The following ZNF804B variants were observed in gnomAD, a reference collection of about 807,000 sequenced individuals.
The protein encoded by ZNF804B is zinc finger 804B.
A neutral mutation model predicts 101.4 loss-of-function variants in ZNF804B; 80 were observed. That is an observed-to-expected ratio of 0.79 (90% CI 0.66 to 0.95). ZNF804B has a LOEUF of 0.95. ZNF804B is among the 40% of genes least tolerant of loss of function. The pLI, the probability that ZNF804B is intolerant of heterozygous loss-of-function variation, is 0.00. For missense variants in ZNF804B, 1,673 were observed against 1,561.9 expected, an observed-to-expected ratio of 1.07 and a Z score of -1.20; for synonymous variants, 622 against 558.8, an observed-to-expected ratio of 1.11 and a Z score of -1.59.
rs192905676 is a variant in ZNF804B at position 89,130,840 on chromosome 7, A to G, written c.109-87315A>G. Reference sequence around the variant, plus strand: ...CCAAGGTAGAGAAGATCATCCCTACAAAGCGTCTAGGGGGTGTCTTATTAC... The same window carrying G: ...CCAAGGTAGAGAAGATCATCCCTACGAAGCGTCTAGGGGGTGTCTTATTAC... On this transcript the variant is annotated intron_variant, in intron 1 of 3. Transcript: ENST00000333190. Among the ~76,000 whole-genome samples the G allele has an allele frequency of 2.6e-5, 4 of 152,150 alleles. No homozygotes were observed. In the East Asian group the frequency reaches 7.7e-4, roughly 29 times the overall value.
intron 1 of ZNF804B, among the ~76,000 whole-genome samples, chr7:88,970,806 C>T (rs1350579879): frequency 2.0e-5 from 2 of 100,544 alleles, no homozygotes; most frequent in Non-Finnish European, 3.7e-5. Flanking sequence ...CATCATACAC[C>T]GGGGACTGTT....
chr7:88,982,699 T>C (rs1793709094), intron 1 of ZNF804B, among the ~76,000 whole-genome samples: 1 of 152,104 alleles, frequency 6.6e-6, no homozygotes, highest in Non-Finnish European at 1.5e-5. Flanking sequence ...CAATTCTTAT[T>C]CTGAGGTACT....
At chr7:89,287,149 C>A (rs1790212415) in intron 2 of ZNF804B, among the ~76,000 whole-genome samples, 1 of 152,046 alleles carries the variant, frequency 6.6e-6, no homozygotes, top group Admixed American at 6.6e-5. Context: ...CTATATATGA[C>A]ATACAAAATA....
chr7:88,831,053 G>T (rs980242906), intron 1 of ZNF804B, among the ~76,000 whole-genome samples: 1 of 151,834 alleles, frequency 6.6e-6, no homozygotes, highest in African/African-American at 2.4e-5. Flanking sequence ...TAACAGTTGT[G>T]TTAAAATATA....
At chr7:89,075,086 A>G (rs1400648952) in intron 1 of ZNF804B, among the ~76,000 whole-genome samples, 1 of 152,204 alleles carries the variant, frequency 6.6e-6, no homozygotes, top group African/African-American at 2.4e-5. Context: ...TTTATAAAGG[A>G]AGCAGAGCCT....
At chr7:89,048,613 C>G (rs894244619) in intron 1 of ZNF804B, among the ~76,000 whole-genome samples, 1 of 151,652 alleles carries the variant, frequency 6.6e-6, no homozygotes, top group African/African-American at 2.4e-5. Flanking sequence ...ATTCAGTTAC[C>G]TTAATTAGGT....
intron 1 of ZNF804B, among the ~76,000 whole-genome samples, chr7:88,976,503 T>C (rs552001291): frequency 2.2e-4 from 34 of 151,514 alleles, no homozygotes; most frequent in Non-Finnish European, 4.3e-4. Flanking sequence ...GTACTTATTG[T>C]CAATGAGATT....
chr7:89,073,861 A>G (rs1390159802), intron 1 of ZNF804B, among the ~76,000 whole-genome samples: 1 of 152,184 alleles, frequency 6.6e-6, no homozygotes, highest in Non-Finnish European at 1.5e-5. Context: ...TTCAGGTAAT[A>G]TTCAAAATGA....
intron 2 of ZNF804B, among the ~76,000 whole-genome samples, chr7:89,234,163 G>GT (rs1789243626): frequency 6.6e-6 from 1 of 152,092 alleles, no homozygotes; most frequent in Non-Finnish European, 1.5e-5. Context: ...TAATGAGCTT[G>GT]TTTTTAAGTA....
intron 1 of ZNF804B, among the ~76,000 whole-genome samples, chr7:88,953,653 A>T (rs1372501587): frequency 6.6e-6 from 1 of 151,734 alleles, no homozygotes; most frequent in Non-Finnish European, 1.5e-5. Context: ...GAGCTTGGTT[A>T]TCTGTTTGCA....
At chr7:88,925,044 C>T (rs1056503928) in intron 1 of ZNF804B, among the ~76,000 whole-genome samples, 8 of 152,140 alleles carry the variant, frequency 5.3e-5, no homozygotes, top group Admixed American at 5.2e-4. Flanking sequence ...GGGCATTTCC[C>T]TTTCCAAATC....
At chr7:88,776,117 C>T (rs1790136482) in intron 1 of ZNF804B, among the ~76,000 whole-genome samples, 1 of 152,150 alleles carries the variant, frequency 6.6e-6, no homozygotes, top group Non-Finnish European at 1.5e-5. Context: ...CTTATAGGGC[C>T]TTTGCAGGCA....
chr7:88,883,431 G>T (rs1388072814), intron 1 of ZNF804B, among the ~76,000 whole-genome samples: 3 of 152,120 alleles, frequency 2.0e-5, no homozygotes, highest in African/African-American at 7.2e-5. Context: ...ATATAACTGA[G>T]CTGTAGACAA....
chr7:89,019,358 C>T (rs1788625831), intron 1 of ZNF804B, among the ~76,000 whole-genome samples: 1 of 151,960 alleles, frequency 6.6e-6, no homozygotes, highest in South Asian at 2.1e-4. Flanking sequence ...GATGTTATTT[C>T]AGTTTTTGAA....
chr7:89,017,370 T>C (rs1412285544), intron 1 of ZNF804B, among the ~76,000 whole-genome samples: 1 of 152,198 alleles, frequency 6.6e-6, no homozygotes, highest in Non-Finnish European at 1.5e-5. Flanking sequence ...CTTCCAACAC[T>C]ATGTTGAATA....
chr7:88,987,619 T>G (rs1301588125), intron 1 of ZNF804B, among the ~76,000 whole-genome samples: 1 of 152,088 alleles, frequency 6.6e-6, no homozygotes, highest in Non-Finnish European at 1.5e-5. Flanking sequence ...TTTTCCAGTT[T>G]TTAATTTTTA....
intron 1 of ZNF804B, among the ~76,000 whole-genome samples, chr7:88,766,318 A>C (rs934283550): frequency 2.6e-5 from 4 of 152,152 alleles, no homozygotes; most frequent in Admixed American, 6.5e-5. Context: ...TCTCAAAAAT[A>C]AATAAATAAA....
chr7:88,939,610 C>T (rs996176329), intron 1 of ZNF804B, among the ~76,000 whole-genome samples: 14 of 151,594 alleles, frequency 9.2e-5, no homozygotes, highest in African/African-American at 3.4e-4. Flanking sequence ...ACAAATTCTC[C>T]CATTAAAAGC....
chr7:89,279,101 CT>C (rs1790037000), intron 2 of ZNF804B, among the ~76,000 whole-genome samples: 1 of 152,046 alleles, frequency 6.6e-6, no homozygotes, highest in South Asian at 2.1e-4. Context: ...GTATTTTATT[CT>C]CTTTGAAGCA....
Sources: allele counts gnomAD v4.1 joint callset (sites outside exome capture counted in the v4.1 genomes callset), GRCh38; gene constraint gnomAD v4.1.1; transcripts MANE v1.5; gene names NCBI Gene and HGNC (gene_info 2026-07-23, HGNC 2026-07-21).